The following ADGRF5 variants were observed in gnomAD, a reference collection of about 807,000 sequenced individuals.
ADGRF5 encodes the protein G-protein coupled receptor 116.
A neutral mutation model predicts 132.3 loss-of-function variants in ADGRF5; 75 were observed. The observed-to-expected ratio is 0.57, with a 90% confidence interval of 0.47 to 0.69. The LOEUF is 0.69. ADGRF5 is among the 30% of genes least tolerant of loss of function. ADGRF5 has a pLI of 0.00. For missense variants in ADGRF5, 1,516 were observed against 1,630.6 expected, an observed-to-expected ratio of 0.93 and a Z score of 1.21; for synonymous variants, 629 against 597.6, an observed-to-expected ratio of 1.05 and a Z score of -0.77.
intron 2 of ADGRF5, among the ~76,000 whole-genome samples, chr6:46,904,252 C>T (rs1340308248): frequency 3.3e-5 from 5 of 152,194 alleles, no homozygotes; most frequent in Non-Finnish European, 5.9e-5. Flanking sequence ...TGTATATTCA[C>T]GTTCATAGGC....
intron 1 of ADGRF5, among the ~76,000 whole-genome samples, chr6:46,945,076 T>C (rs1173584427): frequency 6.6e-6 from 1 of 152,126 alleles, no homozygotes; most frequent in Admixed American, 6.5e-5. Context: ...TCTTGAAAAA[T>C]ATTAGTTATG....
chr6:46,901,247 T>C (rs1774734431), intron 2 of ADGRF5, among the ~76,000 whole-genome samples: 1 of 152,132 alleles, frequency 6.6e-6, no homozygotes, highest in Non-Finnish European at 1.5e-5. Context: ...ACCCCATACC[T>C]TGACCTGACA....
At chr6:46,864,668 G>A (rs1770194371) in intron 14 of ADGRF5, among the ~76,000 whole-genome samples, 1 of 152,082 alleles carries the variant, frequency 6.6e-6, no homozygotes, top group African/African-American at 2.4e-5. Context: ...GGGACCGCAG[G>A]TGCATGCTCC....
intron 2 of ADGRF5, chr6:46,903,497 G>C (rs574986472): frequency 6.6e-6 from 1 of 152,176 alleles, no homozygotes; most frequent in Admixed American, 6.5e-5. Flanking sequence ...TGGAGTGGGG[G>C]TGGGTAGTCA....
At chr6:46,936,012 A>G (rs1007438782) in intron 1 of ADGRF5, among the ~76,000 whole-genome samples, 1 of 152,242 alleles carries the variant, frequency 6.6e-6, no homozygotes, top group African/African-American at 2.4e-5. Context: ...GAGCAACTGC[A>G]GCAGTTTCCA....
At chr6:46,855,923 T>A in intron 20 of ADGRF5, 51 bp downstream of exon 20, 1 of 1,063,398 alleles carries the variant, frequency 9.4e-7, no homozygotes, top group Non-Finnish European at 1.5e-6. Context: ...GCTCCCCATT[T>A]GAGCAAATGT....
chr6:46,920,507 C>A (rs1191547827), intron 1 of ADGRF5, among the ~76,000 whole-genome samples: 2 of 113,196 alleles, frequency 1.8e-5, no homozygotes, highest in African/African-American at 7.5e-5. Flanking sequence ...ACACAGAAAA[C>A]AATTGATAGA....
chr6:46,937,987 G>A (rs1016792841), intron 1 of ADGRF5, among the ~76,000 whole-genome samples: 2 of 152,104 alleles, frequency 1.3e-5, no homozygotes, highest in African/African-American at 2.4e-5. Flanking sequence ...ACTTGACCAT[G>A]AGTGGCTGAA....
intron 10 of ADGRF5, among the ~76,000 whole-genome samples, chr6:46,874,355 T>C (rs1376436240): frequency 6.6e-6 from 1 of 152,216 alleles, no homozygotes; most frequent in Non-Finnish European, 1.5e-5. Context: ...TCCTGCTGAT[T>C]CTTACTGATC....
At chr6:46,904,840 C>T (rs568301648) in intron 2 of ADGRF5, among the ~76,000 whole-genome samples, 91 of 152,266 alleles carry the variant, frequency 6.0e-4, no homozygotes, top group Non-Finnish European at 7.9e-4. Flanking sequence ...GGCTCAAGTG[C>T]ACTTTTCCAA....
At chr6:46,881,870 T>G (rs1183185857) in intron 7 of ADGRF5, among the ~76,000 whole-genome samples, 179 bp downstream of exon 7, 1 of 152,188 alleles carries the variant, frequency 6.6e-6, no homozygotes, top group African/African-American at 2.4e-5. Flanking sequence ...ACACAAGTCT[T>G]TTTCTCTCTT....
chr6:46,898,956 A>G (rs1463222323), intron 3 of ADGRF5, among the ~76,000 whole-genome samples: 2 of 152,198 alleles, frequency 1.3e-5, no homozygotes, highest in Non-Finnish European at 2.9e-5. Flanking sequence ...TGAGAAAGAA[A>G]CTGAGCTTGA....
intron 14 of ADGRF5, 153 bp from the exon 15 acceptor site, chr6:46,863,249 C>T (rs1310616499): frequency 2.8e-6 from 2 of 723,066 alleles, no homozygotes; most frequent in South Asian, 3.0e-5. Flanking sequence ...CTTAATTTTG[C>T]CCTTGATTTT....
At chr6:46,913,942 G>A (rs1776206439) in intron 1 of ADGRF5, among the ~76,000 whole-genome samples, 1 of 152,270 alleles carries the variant, frequency 6.6e-6, no homozygotes, top group Admixed American at 6.5e-5. Context: ...AACAGCCAAC[G>A]GCATATACCC....
chr6:46,862,831 T>A, intron 15 of ADGRF5, 57 bp downstream of exon 15: 1 of 1,130,114 alleles, frequency 8.8e-7, no homozygotes. Context: ...CTGAGAAATA[T>A]GATCAGCCAG....
intron 1 of ADGRF5, among the ~76,000 whole-genome samples, chr6:46,931,338 C>T (rs1777547259): frequency 6.6e-6 from 1 of 152,158 alleles, no homozygotes; most frequent in African/African-American, 2.4e-5. Context: ...ATCTCATCTC[C>T]ACCTCTTTAA....
intron 1 of ADGRF5, among the ~76,000 whole-genome samples, chr6:46,908,330 C>G (rs1053742839): frequency 2.6e-5 from 4 of 152,112 alleles, no homozygotes; most frequent in Non-Finnish European, 5.9e-5. Context: ...GACAGTGTGT[C>G]TTTGTGGGTA....
At chr6:46,921,087 A>G (rs904247873) in intron 1 of ADGRF5, among the ~76,000 whole-genome samples, 5 of 152,216 alleles carry the variant, frequency 3.3e-5, no homozygotes, top group African/African-American at 1.2e-4. Flanking sequence ...GCTCCTTTCA[A>G]AACAAGTCGG....
intron 1 of ADGRF5, among the ~76,000 whole-genome samples, chr6:46,933,262 A>G (rs988074681): frequency 1.2e-4 from 19 of 152,186 alleles, no homozygotes. Flanking sequence ...CCTGTAGTGA[A>G]TCGTTTTTAA....
Sources: gnomAD v4.1 joint callset for allele counts (sites outside exome capture counted in the v4.1 genomes callset) on GRCh38, gnomAD v4.1.1 for gene constraint, MANE v1.5 for transcripts, NCBI Gene and HGNC (gene_info 2026-07-23, HGNC 2026-07-21) for gene names.